Variants in SEMA3E observed in about 807,000 individuals in gnomAD.
The protein encoded by SEMA3E is semaphorin-3E.
SEMA3E carries 49 observed loss-of-function variants against 93.6 expected under a neutral mutation model. That is an observed-to-expected ratio of 0.52 (90% CI 0.42 to 0.66). The LOEUF (loss-of-function observed/expected upper bound fraction) is 0.66. Ranked by LOEUF, SEMA3E falls within the 30% of genes least tolerant of loss-of-function variation. SEMA3E has a pLI of 0.00. For synonymous variants in SEMA3E, 363 were observed against 330.7 expected (o/e 1.10, Z -1.06); for missense variants, 906 against 964.8 (o/e 0.94, Z 0.81).
At chr7:83,592,718 G>A (rs1300702191) in intron 1 of SEMA3E, among the ~76,000 whole-genome samples, 1 of 152,130 alleles carries the variant, frequency 6.6e-6, no homozygotes, top group Non-Finnish European at 1.5e-5. Flanking sequence ...CCAAATTTGC[G>A]AGTAATTGCC....
chr7:83,545,269 G>A (rs1584321937), intron 1 of SEMA3E, among the ~76,000 whole-genome samples: 1 of 151,974 alleles, frequency 6.6e-6, no homozygotes, highest in Non-Finnish European at 1.5e-5. Context: ...GATGGCAAAT[G>A]TTCTTCCTTT....
intron 4 of SEMA3E, among the ~76,000 whole-genome samples, chr7:83,457,713 T>G (rs1333213626): frequency 2.0e-5 from 3 of 152,140 alleles, no homozygotes; most frequent in Non-Finnish European, 4.4e-5. Flanking sequence ...ATATTATGAA[T>G]GTCTTGTCAA....
At chr7:83,516,886 A>G (rs1790938643) in intron 1 of SEMA3E, among the ~76,000 whole-genome samples, 1 of 151,374 alleles carries the variant, frequency 6.6e-6, no homozygotes, top group African/African-American at 2.4e-5. Flanking sequence ...TAGTAATAAC[A>G]GTAATAATGT....
chr7:83,627,318 C>A (rs944491298), intron 1 of SEMA3E, among the ~76,000 whole-genome samples: 2 of 152,000 alleles, frequency 1.3e-5, no homozygotes, highest in African/African-American at 4.8e-5. Flanking sequence ...AAGTCTCCCA[C>A]TATTATTGTG....
At chr7:83,602,459 T>C (rs1436836126) in intron 1 of SEMA3E, among the ~76,000 whole-genome samples, 1 of 150,602 alleles carries the variant, frequency 6.6e-6, no homozygotes. Flanking sequence ...CCTAGAGAGG[T>C]CTAAAATACC....
At chr7:83,449,051 T>C (rs774927750) in intron 4 of SEMA3E, among the ~76,000 whole-genome samples, 7 of 152,022 alleles carry the variant, frequency 4.6e-5, no homozygotes, top group Non-Finnish European at 8.8e-5. Flanking sequence ...TAGGTTTGAA[T>C]TTTTATACAA....
chr7:83,495,349 C>G (rs1465700136), intron 1 of SEMA3E, among the ~76,000 whole-genome samples: 2 of 151,822 alleles, frequency 1.3e-5, no homozygotes, highest in East Asian at 3.9e-4. Context: ...AATTTCATAT[C>G]TGCATAGAGA....
At chr7:83,581,246 C>A (rs1009675982) in intron 1 of SEMA3E, among the ~76,000 whole-genome samples, 1 of 151,980 alleles carries the variant, frequency 6.6e-6, no homozygotes, top group Non-Finnish European at 1.5e-5. Flanking sequence ...AATACCTGCC[C>A]TTTGTGTATC....
At chr7:83,588,233 T>C (rs1379977567) in intron 1 of SEMA3E, among the ~76,000 whole-genome samples, 1 of 151,896 alleles carries the variant, frequency 6.6e-6, no homozygotes, top group African/African-American at 2.4e-5. Flanking sequence ...AATACAAAAA[T>C]TAGCTGGGCA....
chr7:83,428,721 T>C (rs921920190), intron 4 of SEMA3E, among the ~76,000 whole-genome samples: 1 of 152,156 alleles, frequency 6.6e-6, no homozygotes, highest in African/African-American at 2.4e-5. Flanking sequence ...AGGCTAATAG[T>C]TTTGCATTTT....
At chr7:83,498,849 T>A (rs1790542648) in intron 1 of SEMA3E, among the ~76,000 whole-genome samples, 1 of 152,306 alleles carries the variant, frequency 6.6e-6, no homozygotes, top group East Asian at 1.9e-4. Flanking sequence ...AAAGATAAAC[T>A]TCCTTCCATC....
At chr7:83,479,380 A>G (rs1460399840) in intron 2 of SEMA3E, among the ~76,000 whole-genome samples, 1 of 152,090 alleles carries the variant, frequency 6.6e-6, no homozygotes, top group East Asian at 1.9e-4. Flanking sequence ...ATATCTATCT[A>G]TCTTGTCTAC....
intron 1 of SEMA3E, among the ~76,000 whole-genome samples, chr7:83,634,649 G>T (rs1044336533): frequency 1.3e-5 from 2 of 151,686 alleles, no homozygotes; most frequent in African/African-American, 4.8e-5. Flanking sequence ...TATTACAAGC[G>T]AATTTTGCTT....
intron 4 of SEMA3E, among the ~76,000 whole-genome samples, chr7:83,464,470 T>TCCGG (rs1266279004): frequency 5.2e-4 from 38 of 72,836 alleles, no homozygotes; most frequent in East Asian, 1.5e-3. Flanking sequence ...TTTACACTGT[T>TCCGG]TTTCCAAGCC....
At chr7:83,464,735 A>C in intron 4 of SEMA3E, among the ~76,000 whole-genome samples, 1 of 124,426 alleles carries the variant, frequency 8.0e-6, no homozygotes, top group African/African-American at 2.7e-5. Context: ...TCTTCTAACA[A>C]CCCCACAATA....
intron 4 of SEMA3E, among the ~76,000 whole-genome samples, chr7:83,427,043 G>A (rs1159030791): frequency 2.0e-5 from 3 of 152,000 alleles, no homozygotes; most frequent in Admixed American, 6.6e-5. Context: ...ATCAAAGATT[G>A]AAATATAAAA....
rs1258202820 is a variant in SEMA3E at position 83,407,101 on chromosome 7, C to G, written c.809G>C (p.Cys270Ser). 6.2e-7 allele frequency: 1 copy of G among 1,613,456 alleles called. No individual in the cohort carries two copies. Among genetic ancestry groups the G allele is most frequent in the Non-Finnish European group, 8.5e-7 (1 of 1,179,736 alleles). Residue 270 changes from cysteine to serine, a missense_variant, in exon 7 of 17, where the codon TGT becomes TCT. Physicochemically the swap from Cys to Ser is moderately radical, Grantham distance 112. Transcript: ENST00000643230. ...TAATGAGAGAGAAAGCCTCACCACA[C>G]AGAGTCGCCCGACCCTGGTGTAAAT... ...HAIYTRVGRL[C>S]VNDVGGQRIL...
intron 1 of SEMA3E, among the ~76,000 whole-genome samples, chr7:83,539,866 T>TGTGCGC (rs1554336393): frequency 1.3e-5 from 2 of 148,686 alleles, no homozygotes; most frequent in Admixed American, 6.7e-5. Context: ...TGTGTGTGTG[T>TGTGCGC]GTGTGTGTGT....
intron 5 of SEMA3E, among the ~76,000 whole-genome samples, chr7:83,413,231 A>T (rs185940652): frequency 6.6e-6 from 1 of 152,118 alleles, no homozygotes; most frequent in Non-Finnish European, 1.5e-5. Context: ...ACTATATATT[A>T]TCTGAGTTTT....
Sources: allele counts gnomAD v4.1 joint callset (sites outside exome capture counted in the v4.1 genomes callset), GRCh38; gene constraint gnomAD v4.1.1; transcripts MANE v1.5; gene names NCBI Gene and HGNC (gene_info 2026-07-23, HGNC 2026-07-21).